Variants in MRPL22 observed in about 807,000 individuals in gnomAD.
The protein encoded by MRPL22 is large ribosomal subunit protein uL22m.
MRPL22 carries 27 observed loss-of-function variants against 32.4 expected under a neutral mutation model. That is an observed-to-expected ratio of 0.83 (90% CI 0.61 to 1.15). The LOEUF is 1.15. Ranked by LOEUF, MRPL22 falls within the 50% of genes most tolerant of loss-of-function variation. The pLI is 0.00. For synonymous variants in MRPL22, 86 were observed against 87.3 expected, an observed-to-expected ratio of 0.99 and a Z score of 0.08; for missense variants, 239 against 260.2, an observed-to-expected ratio of 0.92 and a Z score of 0.56.
In MRPL22 at chr5:154,951,589, T is replaced by C. The variant is rs190338324; in HGVS notation, c.195+651T>C. On this transcript the variant is annotated intron_variant, in intron 3 of 6. Transcript: ENST00000523037. ...GTCTTGCTCTGTCACCCAGCTGGAG[T>C]GCAATGGCACGATCTTGACTCACTG... 8.4e-4 allele frequency among the ~76,000 whole-genome samples: 128 copies of C among 152,118 alleles called. 2 individuals are homozygous for C. Among genetic ancestry groups the C allele is most frequent in the Middle Eastern group, 6.8e-3 (2 of 294 alleles).
intron 2 of MRPL22, among the ~76,000 whole-genome samples, chr5:154,944,719 T>G (rs1002040464): frequency 2.6e-5 from 4 of 152,124 alleles, no homozygotes; most frequent in African/African-American, 9.7e-5. Context: ...AAGCAGAGAT[T>G]GAGAATAAGA....
Position 154,959,996 on chromosome 5 carries a change from A to T in MRPL22, c.356A>T (p.Gln119Leu), listed in dbSNP as rs1764680756. The change falls in exon 6 of 7, where the codon CAA (glutamine) becomes CTA (leucine). Residue 119 changes from glutamine (Q) to leucine (L), a missense_variant. Gln to Leu is a moderately radical substitution (Grantham distance 113). Coordinates refer to ENST00000523037, the MANE Select transcript of MRPL22 (RefSeq NM_014180.4). ...TTATTTAAGGTTCTCTTAGAAGCAC[A>T]AGATATGGCAGTGAGAGACCATAAC... is the stretch of plus-strand genomic sequence containing the variant. Reference protein sequence around the residue: ...KIIKEVLLEAQDMAVRDHNVE... With the variant: ...KIIKEVLLEALDMAVRDHNVE... 1 of 1,611,816 alleles carries T rather than the reference A, an allele frequency of 6.2e-7. No homozygotes were observed. The highest frequency in any genetic ancestry group is 2.2e-5 in the East Asian group (1 of 44,818).
intron 2 of MRPL22, among the ~76,000 whole-genome samples, chr5:154,948,034 A>G (rs1764514679): frequency 6.6e-6 from 1 of 152,218 alleles, no homozygotes; most frequent in South Asian, 2.1e-4. Context: ...ATGTCTCGCT[A>G]AAGAGTCTGG....
chr5:154,967,520 C>T lies in MRPL22; in HGVS notation c.*623C>T, dbSNP rs2113017547. 1.3e-5 allele frequency: 2 copies of T among 152,318 alleles called. 1 individual carries two copies. The highest frequency in any genetic ancestry group is 4.2e-4 in the South Asian group (2 of 4,816). The allele number at this position is 152,318 out of a possible 1,614,324, so 9.4% of individuals were successfully genotyped here. On this transcript the variant is annotated 3_prime_UTR_variant, in exon 7 of 7. Coordinates refer to ENST00000523037, the MANE Select transcript of MRPL22 (RefSeq NM_014180.4). The surrounding 1 kb of genome is among the most constrained non-coding windows in gnomAD (Gnocchi z 4.7). ...CAAAGCCTGTTTTTATTTCTTCTTC[C>T]AACAGTGCTTTATATTGTTTGGATA...
intron 5 of MRPL22, 111 bp from the exon 6 acceptor site, chr5:154,959,869 A>G (rs1219268656): frequency 2.8e-5 from 20 of 709,956 alleles, no homozygotes; most frequent in Middle Eastern, 6.8e-4. Context: ...AAAATTGACT[A>G]TGGAAGCATG....
intron 6 of MRPL22, among the ~76,000 whole-genome samples, chr5:154,960,762 G>A (rs188747567): frequency 7.8e-4 from 119 of 152,256 alleles, no homozygotes; most frequent in Non-Finnish European, 9.9e-4. Context: ...AAGCTCTCTT[G>A]CCTCCTCCCA....
At chr5:154,959,533 G>A (rs77237902) in intron 5 of MRPL22, among the ~76,000 whole-genome samples, 14,963 of 151,592 alleles carry the variant, frequency 0.099, 839 homozygotes, top group Admixed American at 0.15. Flanking sequence ...TAGTAGAGGC[G>A]GGGTTTTGAC....
chr5:154,943,699 G>A lies in MRPL22; in HGVS notation c.77+2434G>A, dbSNP rs188033890. 1.7e-3 allele frequency among the ~76,000 whole-genome samples: 256 copies of A among 149,610 alleles called. 8 individuals carry two copies. The East Asian group carries it at 0.048, about 28-fold the overall frequency. ...TAAAATTTTTTTTTTTTTAAAGACA[G>A]CGTTTTGCTGTGTCACCCAGGCTGG... On this transcript the variant is annotated intron_variant, in intron 2 of 6. Transcript: ENST00000523037.
intron 3 of MRPL22, among the ~76,000 whole-genome samples, chr5:154,954,903 C>T (rs140345592): frequency 0.012 from 1,826 of 152,182 alleles, 38 homozygotes; most frequent in African/African-American, 0.042. Context: ...GGCATTCTCC[C>T]GCCTCAGCCT....
At chr5:154,947,072 A>G (rs1048364159) in intron 2 of MRPL22, among the ~76,000 whole-genome samples, 1 of 152,232 alleles carries the variant, frequency 6.6e-6, no homozygotes, top group Non-Finnish European at 1.5e-5. Flanking sequence ...TATTTTCCTC[A>G]TTCTACAAGT....
At chr5:154,943,655 C>T (rs561327770) in intron 2 of MRPL22, among the ~76,000 whole-genome samples, 1 of 147,372 alleles carries the variant, frequency 6.8e-6, no homozygotes, top group African/African-American at 2.6e-5. Context: ...TATATACACA[C>T]ACATATATAT....
chr5:154,965,553 T>A (rs1342074515), intron 6 of MRPL22, among the ~76,000 whole-genome samples: 2 of 151,748 alleles, frequency 1.3e-5, no homozygotes, highest in African/African-American at 4.8e-5. Context: ...GCCTCCCAAG[T>A]AGCTAGGATT....
intron 2 of MRPL22, among the ~76,000 whole-genome samples, chr5:154,945,684 G>A (rs888236948): frequency 6.6e-6 from 1 of 152,154 alleles, no homozygotes; most frequent in East Asian, 1.9e-4. Flanking sequence ...TGGGGGAGTG[G>A]CCAGAGAGGG....
At chr5:154,957,988 C>G (rs886924023) in intron 5 of MRPL22, among the ~76,000 whole-genome samples, 2 of 143,456 alleles carry the variant, frequency 1.4e-5, no homozygotes, top group Non-Finnish European at 3.0e-5. Context: ...GCCATCTTGG[C>G]TCACTGCAGT....
intron 6 of MRPL22, among the ~76,000 whole-genome samples, chr5:154,961,420 C>T (rs1450482594): frequency 1.3e-5 from 2 of 152,156 alleles, no homozygotes; most frequent in African/African-American, 4.8e-5. Flanking sequence ...CTCTGAATAT[C>T]AAATCAAATT....
At chr5:154,965,972 A>T (rs1461642258) in intron 6 of MRPL22, among the ~76,000 whole-genome samples, 1 of 152,162 alleles carries the variant, frequency 6.6e-6, no homozygotes, top group East Asian at 1.9e-4. Flanking sequence ...TCCCTAGGTT[A>T]GTCTGATGTA....
chr5:154,950,865 T>A lies in MRPL22; in HGVS notation c.122T>A (p.Ile41Asn). ...SYIHTSASLDISRKWEKKNKI... is the reference protein window; with the variant it reads ...SYIHTSASLDNSRKWEKKNKI... ...ATCCACACAAGTGCTTCTCTTGACA[T>A]TTCTCGAAAATGGGAGAAGAAGAAT... The change falls in exon 3 of 7, where the codon ATT becomes AAT. Residue 41 changes from isoleucine (I) to asparagine (N), a missense_variant. Physicochemically the swap from Ile to Asn is moderately radical, Grantham distance 149. Transcript: ENST00000523037. 4 of 1,613,848 alleles carry A rather than the reference T, an allele frequency of 2.5e-6. No individual in the cohort carries two copies. Among genetic ancestry groups the A allele is most frequent in the Non-Finnish European group, 3.4e-6 (4 of 1,179,754 alleles).
intron 3 of MRPL22, among the ~76,000 whole-genome samples, chr5:154,954,592 C>T (rs1052958430): frequency 6.6e-6 from 1 of 152,094 alleles, no homozygotes; most frequent in African/African-American, 2.4e-5. Flanking sequence ...TTCACCTGCC[C>T]AAAGTAAATG....
intron 2 of MRPL22, among the ~76,000 whole-genome samples, chr5:154,946,180 A>G (rs576688787): frequency 6.6e-6 from 1 of 152,280 alleles, no homozygotes; most frequent in African/African-American, 2.4e-5. Context: ...GACTCAAGAA[A>G]TCTTTCAGAT....
Sources: allele counts gnomAD v4.1 joint callset (sites outside exome capture counted in the v4.1 genomes callset), GRCh38; gene constraint gnomAD v4.1.1; non-coding constraint Gnocchi (gnomAD v3.1); transcripts MANE v1.5; gene names NCBI Gene and HGNC (gene_info 2026-07-23, HGNC 2026-07-21).